The following NR2E1 variants were observed in gnomAD, a reference collection of about 807,000 sequenced individuals.
NR2E1 encodes nuclear receptor subfamily 2 group E member 1, also known as nuclear receptor TLX.
A neutral mutation model predicts 43.6 loss-of-function variants in NR2E1; 5 were observed. The ratio of observed to expected loss-of-function variants is 0.11; its 90% CI spans 0.06 to 0.24. The LOEUF is 0.24. NR2E1 is among the 10% of genes least tolerant of loss of function. The probability of loss-of-function intolerance (pLI) is 1.00; values close to 1 mark genes in which losing one functional copy is unlikely to be tolerated. For synonymous variants in NR2E1, 191 were observed against 195.5 expected (o/e 0.98, Z 0.19); for missense variants, 287 against 496.7 (o/e 0.58, Z 4.01).
In NR2E1 at chr6:108,180,472, A is replaced by G. The variant is rs370572356; in HGVS notation, c.739+53A>G. 5 of 1,220,010 alleles carry G rather than the reference A, an allele frequency of 4.1e-6. No homozygotes were observed. The highest frequency in any genetic ancestry group is 1.2e-5 in the South Asian group (1 of 83,074). The allele number at this position is 1,220,010 out of a possible 1,614,324, so 75.6% of individuals were successfully genotyped here. On this transcript the variant is annotated intron_variant, in intron 6 of 8. Coordinates refer to ENST00000368986, the MANE Select transcript of NR2E1 (RefSeq NM_003269.5). The surrounding 1 kb of genome is among the most constrained non-coding windows in gnomAD (Gnocchi z 5.4). ...GTTGTAGAAATTACCATAAAAATAC[A>G]TTACTGAAAAAAGAACAACATGTAA...
Position 108,166,854 on chromosome 6 carries a change from C to G in NR2E1, c.25+64C>G. 1 of 1,504,948 alleles carries G rather than the reference C, an allele frequency of 6.6e-7. No individual in the cohort carries two copies. Among genetic ancestry groups the G allele is most frequent in the Non-Finnish European group, 9.0e-7 (1 of 1,107,206 alleles). The allele number at this position is 1,504,948 out of a possible 1,614,324, so 93.2% of individuals were successfully genotyped here. A position where few individuals can be genotyped will look rare whatever the true frequency, so the allele number is the denominator to read the frequency against. On this transcript the variant is annotated intron_variant, in intron 1 of 8. Coordinates refer to ENST00000368986, the MANE Select transcript of NR2E1 (RefSeq NM_003269.5). The surrounding 1 kb of genome is among the most constrained non-coding windows in gnomAD (Gnocchi z 7.2). ...AGCCTGGGGCGAGCGAGCGGGGAGG[C>G]TGGGGGAGGTCCTGCCTGGAGCGCT...
In NR2E1 at chr6:108,174,817, C is replaced by A; in HGVS notation, c.172-19C>A. ...CCTAAAGGCCCTGGGGACCGCTGACCTCCTGCTCTCTGTTCCAGGGAGGCT... is the reference window on the plus strand; with the variant it reads ...CCTAAAGGCCCTGGGGACCGCTGACATCCTGCTCTCTGTTCCAGGGAGGCT... On this transcript the variant is annotated intron_variant, in intron 2 of 8. Coordinates refer to ENST00000368986, the MANE Select transcript of NR2E1 (RefSeq NM_003269.5). 6.2e-7 allele frequency: 1 copy of A among 1,611,160 alleles called. No individual in the cohort carries two copies. Among genetic ancestry groups the A allele is most frequent in the Non-Finnish European group, 8.5e-7 (1 of 1,177,508 alleles).
intron 3 of NR2E1, 36 bp from the exon 4 acceptor site, chr6:108,176,467 A>G (rs756583761): frequency 1.9e-5 from 30 of 1,600,922 alleles, no homozygotes; most frequent in Non-Finnish European, 2.6e-5. Context: ...CGACGTCTCT[A>G]ATCGCCGGCA....
At chr6:108,171,678 T>A in intron 2 of NR2E1, 75 bp downstream of exon 2, 1 of 1,587,622 alleles carries the variant, frequency 6.3e-7, no homozygotes, top group Non-Finnish European at 8.6e-7. Context: ...CAAGGCCTCC[T>A]CTGAGTTTCC....
At chr6:108,181,522 C>CAT in intron 7 of NR2E1, 24 bp from the exon 8 acceptor site, 1 of 1,583,186 alleles carries the variant, frequency 6.3e-7, no homozygotes, top group South Asian at 1.1e-5. Flanking sequence ...CTGTCTATCA[C>CAT]AGTTTCCTGG....
chr6:108,174,998 T>TC, intron 3 of NR2E1, 75 bp downstream of exon 3: 8 of 1,353,882 alleles, frequency 5.9e-6, no homozygotes, highest in Non-Finnish European at 8.4e-6. Context: ...TACATGGCAC[T>TC]CCTATGCATG....
chr6:108,177,975 C>A, intron 4 of NR2E1, 120 bp from the exon 5 acceptor site: 3 of 1,112,164 alleles, frequency 2.7e-6, no homozygotes, highest in Non-Finnish European at 4.1e-6. Flanking sequence ...CATGTTTAAA[C>A]AAAACATCCA....
At chr6:108,183,382 T>C (rs1450267584) in intron 8 of NR2E1, among the ~76,000 whole-genome samples, 1 of 151,910 alleles carries the variant, frequency 6.6e-6, no homozygotes, top group Admixed American at 6.6e-5. Context: ...AATTTTATTA[T>C]GCCATTTAAA....
intron 8 of NR2E1, among the ~76,000 whole-genome samples, chr6:108,181,911 C>T (rs1202756416): frequency 1.3e-5 from 2 of 152,156 alleles, no homozygotes; most frequent in African/African-American, 2.4e-5. Context: ...AATAATGGAA[C>T]AACATTTGTG....
At chr6:108,181,702 G>T (rs1290810779) in intron 8 of NR2E1, 51 bp downstream of exon 8, 1 of 1,358,886 alleles carries the variant, frequency 7.4e-7, no homozygotes, top group South Asian at 1.2e-5. Flanking sequence ...CCTCCATTGT[G>T]AATGCCTGAG....
In NR2E1 at chr6:108,171,569, G is replaced by A; in HGVS notation, c.137G>A (p.Arg46Lys). 6.2e-7 allele frequency: 1 copy of A among 1,614,116 alleles called. No homozygotes were observed. The highest frequency in any genetic ancestry group is 8.5e-7 in the Non-Finnish European group (1 of 1,180,054). The change falls in exon 2 of 9, where the codon AGG becomes AAG. Residue 46 changes from arginine to lysine, a missense_variant. By Grantham distance (26) the Arg-to-Lys change is conservative (BLOSUM62 2). This residue lies in a region of NR2E1 where 46 missense variants were observed against 132.3 expected (regional missense o/e 0.35). Coordinates refer to ENST00000368986, the MANE Select transcript of NR2E1 (RefSeq NM_003269.5). ...CSGFFKRSIR[R>K]NRTYVCKSGN... Reference sequence around the variant, plus strand: ...GGTTTTTTCAAACGGAGCATCCGAAGGAATAGGACCTATGTCTGCAAATCT... The same window carrying A: ...GGTTTTTTCAAACGGAGCATCCGAAAGAATAGGACCTATGTCTGCAAATCT...
At chr6:108,167,090 T>TG (rs1263431082) in intron 1 of NR2E1, among the ~76,000 whole-genome samples, 6 of 150,864 alleles carry the variant, frequency 4.0e-5, no homozygotes, top group South Asian at 4.3e-4. Flanking sequence ...AGGTGCTGGA[T>TG]GGGGGGGCCA....
Position 108,187,319 on chromosome 6 carries a change from T to C in NR2E1, c.1014T>C (p.Cys338=), listed in dbSNP as rs1444595633. The C allele has an allele frequency of 6.2e-7, 1 of 1,614,148 alleles. No individual in the cohort carries two copies. Among genetic ancestry groups the C allele is most frequent in the Non-Finnish European group, 8.5e-7 (1 of 1,180,056 alleles). The part of the protein sequence containing the change: ...YIHTRYPTQP[C]RFGKLLLLLP... The stretch of plus-strand genomic sequence containing the variant: ...ATTCCAGATATCCCACTCAACCCTG[T>C]CGCTTTGGAAAACTCCTGTTGCTTT... Residue 338 remains cysteine (C), a synonymous_variant, in exon 9 of 9, where the codon TGT becomes TGC. Coordinates refer to ENST00000368986, the MANE Select transcript of NR2E1 (RefSeq NM_003269.5).
intron 8 of NR2E1, among the ~76,000 whole-genome samples, chr6:108,185,644 C>A (rs1303540918): frequency 6.6e-6 from 1 of 152,180 alleles, no homozygotes; most frequent in African/African-American, 2.4e-5. Flanking sequence ...CTTGCCTCAG[C>A]CTCCCAAAGT....
chr6:108,167,469 T>C (rs1426307560), intron 1 of NR2E1, among the ~76,000 whole-genome samples: 1 of 152,094 alleles, frequency 6.6e-6, no homozygotes, highest in East Asian at 1.9e-4. Context: ...CTTCCTTAGC[T>C]GCCGGCTCTC....
rs953716954 is a variant in NR2E1, at chr6:108,169,644, C to T, written c.26-1814C>T. Among the ~76,000 whole-genome samples, 2 of 152,086 alleles carry T rather than the reference C, an allele frequency of 1.3e-5. No individual in the cohort carries two copies. The highest frequency in any genetic ancestry group is 2.9e-5 in the Non-Finnish European group (2 of 68,018). On this transcript the variant is annotated intron_variant, in intron 1 of 8. Coordinates refer to ENST00000368986, the MANE Select transcript of NR2E1 (RefSeq NM_003269.5). This position sits in a 1 kb window ranked among gnomAD's most constrained non-coding sequence, Gnocchi z 6.1. Reference sequence around the variant, plus strand: ...GAGTGCAGTGCAGCGGAGCTCCAGACCCGGTTCCTGAGCGACCAGGAACTC... The same window carrying T: ...GAGTGCAGTGCAGCGGAGCTCCAGATCCGGTTCCTGAGCGACCAGGAACTC...
rs1393994062 is a variant in NR2E1 at position 108,166,587 on chromosome 6, T to G, written c.-179T>G. The G allele has an allele frequency of 3.8e-6, 2 of 533,256 alleles. No individual in the cohort carries two copies. Among genetic ancestry groups the G allele is most frequent in the African/African-American group, 2.0e-5 (1 of 48,834 alleles). The allele number at this position is 533,256 out of a possible 1,614,324, so 33.0% of individuals were successfully genotyped here. ...TTAAGGATGCTTAAATTTCCACTGT[T>G]GGACGAATTCTGAGCGCCCAGGGAG... On this transcript the variant is annotated 5_prime_UTR_variant, in exon 1 of 9. Coordinates refer to ENST00000368986, the MANE Select transcript of NR2E1 (RefSeq NM_003269.5). The surrounding 1 kb of genome is among the most constrained non-coding windows in gnomAD (Gnocchi z 7.2).
At chr6:108,171,431 C>G (rs2233489) in intron 1 of NR2E1, 27 bp from the exon 2 acceptor site, 2 of 1,613,630 alleles carry the variant, frequency 1.2e-6, no homozygotes, top group South Asian at 1.1e-5. Flanking sequence ...CCCCTTCCCC[C>G]CTTCCCCGTC....
intron 8 of NR2E1, 133 bp downstream of exon 8, chr6:108,181,784 C>T: frequency 1.3e-6 from 1 of 743,352 alleles, no homozygotes; most frequent in Non-Finnish European, 2.4e-6. Context: ...TAGGGAGAAT[C>T]CATGTCCTTA....
Sources: allele counts gnomAD v4.1 joint callset (sites outside exome capture counted in the v4.1 genomes callset), GRCh38; gene constraint gnomAD v4.1.1; regional missense constraint gnomAD v4.1.1; non-coding constraint Gnocchi (gnomAD v3.1); transcripts MANE v1.5; gene names NCBI Gene and HGNC (gene_info 2026-07-23, HGNC 2026-07-21).